FCRL2: variants seen among roughly 807,000 people sequenced by gnomAD.
FCRL2 encodes the protein Fc receptor like 2, also known as Fc receptor-like protein 2.
In FCRL2, 48 loss-of-function variants were observed where a neutral mutation model predicts 59.8. The ratio of observed to expected loss-of-function variants is 0.80; its 90% CI spans 0.64 to 1.02. The LOEUF (loss-of-function observed/expected upper bound fraction) is 1.02, where lower values mean the gene tolerates loss of function less well. Among genes scored for constraint, FCRL2 ranks in the 50% least tolerant of loss-of-function variants. The pLI, the probability that FCRL2 is intolerant of heterozygous loss-of-function variation, is 0.00. For synonymous variants in FCRL2, 251 were observed against 229.5 expected (o/e 1.09, Z -0.85); for missense variants, 658 against 597.3 (o/e 1.10, Z -1.06).
At chr1:157,760,743 GA>G (rs770703085) in intron 7 of FCRL2, among the ~76,000 whole-genome samples, 13 of 146,246 alleles carry the variant, frequency 8.9e-5, no homozygotes, top group African/African-American at 3.1e-4. Context: ...AAGAAAGAAA[GA>G]AAGAAAGAAA....
chr1:157,776,678 T>C (rs1170596456), intron 1 of FCRL2, among the ~76,000 whole-genome samples: 1 of 152,198 alleles, frequency 6.6e-6, no homozygotes, highest in Non-Finnish European at 1.5e-5. Context: ...ATCTTATAGA[T>C]AACAATTGAA....
intron 7 of FCRL2, among the ~76,000 whole-genome samples, chr1:157,757,013 A>G (rs1035092899): frequency 6.6e-6 from 1 of 152,252 alleles, no homozygotes; most frequent in Admixed American, 6.5e-5. Flanking sequence ...ACATCCATGC[A>G]GTAAAGGTTC....
intron 7 of FCRL2, among the ~76,000 whole-genome samples, chr1:157,756,215 G>T (rs1251836956): frequency 6.6e-6 from 1 of 152,196 alleles, no homozygotes; most frequent in African/African-American, 2.4e-5. Context: ...ATGATTTAGG[G>T]TATGGCTAAT....
intron 7 of FCRL2, among the ~76,000 whole-genome samples, chr1:157,751,256 G>T (rs1391653163): frequency 6.6e-6 from 1 of 152,172 alleles, no homozygotes; most frequent in Admixed American, 6.5e-5. Flanking sequence ...TTTCTAGATG[G>T]TTACATTTCA....
intron 5 of FCRL2, 146 bp from the exon 6 acceptor site, chr1:157,767,655 T>G: frequency 6.2e-7 from 1 of 1,603,390 alleles, no homozygotes; most frequent in Non-Finnish European, 8.5e-7. Context: ...CAGTTAGAGA[T>G]AATTTTCTCA....
chr1:157,755,022 G>A (rs1008418420), intron 7 of FCRL2, among the ~76,000 whole-genome samples: 1 of 151,268 alleles, frequency 6.6e-6, no homozygotes, highest in African/African-American at 2.4e-5. Flanking sequence ...TCTAAGAATG[G>A]GGAAGACCTT....
chr1:157,758,065 G>A (rs539945398), intron 7 of FCRL2, among the ~76,000 whole-genome samples: 39 of 152,330 alleles, frequency 2.6e-4, no homozygotes, highest in East Asian at 1.9e-3. Context: ...CTGTCTTCAC[G>A]GGAAAGAACA....
At chr1:157,772,107 T>G (rs1650066867) in intron 2 of FCRL2, among the ~76,000 whole-genome samples, 1 of 151,088 alleles carries the variant, frequency 6.6e-6, no homozygotes, top group Non-Finnish European at 1.5e-5. Context: ...ATTTGTGGCC[T>G]CCTTTGCAAA....
chr1:157,763,454 G>A (rs1557862373), intron 7 of FCRL2, among the ~76,000 whole-genome samples: 1 of 152,082 alleles, frequency 6.6e-6, no homozygotes, highest in Non-Finnish European at 1.5e-5. Flanking sequence ...GAACCCGAGA[G>A]GTGGAATTTG....
chr1:157,762,093 C>G (rs1649143094), intron 7 of FCRL2, among the ~76,000 whole-genome samples: 1 of 152,214 alleles, frequency 6.6e-6, no homozygotes, highest in African/African-American at 2.4e-5. Flanking sequence ...CATGCCAGAG[C>G]ACACAGCCTG....
rs1001693115 is a variant in FCRL2, at chr1:157,746,065, T to C, written c.*671A>G. Reference sequence around the variant, plus strand: ...GAGACAGAAACCCCTCCTAGACCAATATCAAGCGCTGAAGTTGAATTAGTA... The same window carrying C: ...GAGACAGAAACCCCTCCTAGACCAACATCAAGCGCTGAAGTTGAATTAGTA... On this transcript the variant is annotated 3_prime_UTR_variant, in exon 12 of 12. Transcript: ENST00000361516. 2 of 152,160 alleles carry C rather than the reference T, an allele frequency of 1.3e-5. No homozygotes were observed. Among genetic ancestry groups the C allele is most frequent in the Non-Finnish European group, 2.9e-5 (2 of 68,050 alleles). The allele number at this position is 152,160 out of a possible 1,614,324, so 9.4% of individuals were successfully genotyped here. A position where few individuals can be genotyped will look rare whatever the true frequency, so the allele number is the denominator to read the frequency against.
chr1:157,765,285 G>A (rs1014495813), intron 7 of FCRL2, among the ~76,000 whole-genome samples: 1 of 152,168 alleles, frequency 6.6e-6, no homozygotes, highest in East Asian at 1.9e-4. Flanking sequence ...TGAGTGGCAA[G>A]ATTGAACCAT....
intron 2 of FCRL2, among the ~76,000 whole-genome samples, chr1:157,773,553 T>C (rs12093522): frequency 0.017 from 2,577 of 152,232 alleles, 62 homozygotes; most frequent in African/African-American, 0.058. Flanking sequence ...CATAAGTTGG[T>C]TCATAGTTTC....
chr1:157,751,291 G>T (rs1157472750), intron 7 of FCRL2, among the ~76,000 whole-genome samples: 1 of 152,234 alleles, frequency 6.6e-6, no homozygotes, highest in East Asian at 1.9e-4. Flanking sequence ...AAGTCTTAGA[G>T]ATAGACATTT....
In FCRL2 at chr1:157,766,958, A is replaced by G. The variant is rs149515945; in HGVS notation, c.1176T>C (p.Tyr392=). 66 of 1,613,440 alleles carry G rather than the reference A, an allele frequency of 4.1e-5. No homozygotes were observed. Among genetic ancestry groups the G allele is most frequent in the Non-Finnish European group, 5.4e-5 (64 of 1,179,886 alleles). ...CTCCAGCTGTCATGAGGTCTCTTCT[A>G]TAGCCATCAGGTCCTGAGGAAAGAA... ...VPVSISGPDG[Y]RRDLMTAGVL... Residue 392 remains tyrosine, a synonymous_variant, in exon 7 of 12, where the codon TAT becomes TAC. Transcript: ENST00000361516.
Position 157,748,854 on chromosome 1 carries a change from CT to C in FCRL2, c.1393+20del. The stretch of plus-strand genomic sequence containing the variant: ...TCTTTTCTGACTCAGCCTCAGAGCC[CT>C]TCCCAGTGGAGACACTCACCATTGA... On this transcript the variant is annotated intron_variant, in intron 9 of 11. Coordinates refer to ENST00000361516, the MANE Select transcript of FCRL2 (RefSeq NM_030764.4). The C allele has an allele frequency of 1.2e-6, 2 of 1,609,222 alleles. No homozygotes were observed. The highest frequency in any genetic ancestry group is 1.7e-6 in the Non-Finnish European group (2 of 1,176,326).
chr1:157,767,651 G>A (rs766368388), intron 5 of FCRL2, 142 bp from the exon 6 acceptor site: 2 of 1,605,454 alleles, frequency 1.2e-6, no homozygotes, highest in Non-Finnish European at 1.7e-6. Flanking sequence ...AGAACAGTTA[G>A]AGATAATTTT....
chr1:157,752,255 A>C (rs1475357043), intron 7 of FCRL2, among the ~76,000 whole-genome samples: 1 of 152,202 alleles, frequency 6.6e-6, no homozygotes, highest in Non-Finnish European at 1.5e-5. Context: ...TCATGGGAGC[A>C]AGTCTTTCCC....
chr1:157,771,115 C>CAAA (rs1649988232), intron 2 of FCRL2, among the ~76,000 whole-genome samples: 3 of 152,128 alleles, frequency 2.0e-5, no homozygotes, highest in Non-Finnish European at 4.4e-5. Flanking sequence ...CCCAAAGGCC[C>CAAA]CACCTACAAA....
Sources: gnomAD v4.1 joint callset for allele counts (sites outside exome capture counted in the v4.1 genomes callset) on GRCh38, gnomAD v4.1.1 for gene constraint, MANE v1.5 for transcripts, NCBI Gene and HGNC (gene_info 2026-07-23, HGNC 2026-07-21) for gene names.